CDK5RAP2: variants seen among roughly 807,000 people sequenced by gnomAD.
CDK5RAP2 encodes CDK5 regulatory subunit associated protein 2.
A neutral mutation model predicts 232.9 loss-of-function variants in CDK5RAP2; 147 were observed. The observed-to-expected ratio is 0.63, with a 90% CI of 0.55 to 0.72. The LOEUF is 0.72. Ranked by LOEUF, CDK5RAP2 falls within the 30% of genes least tolerant of loss-of-function variation. CDK5RAP2 has a pLI of 0.00. For missense variants in CDK5RAP2, 2,195 were observed against 2,231.5 expected (o/e 0.98, Z 0.33); for synonymous variants, 833 against 833.7 (o/e 1.00, Z 0.01).
At position 120,504,696 on chromosome 9, in the gene CDK5RAP2, C is replaced by A. The variant is rs182068763; in HGVS notation, c.1312-13219G>T. Among the ~76,000 whole-genome samples the A allele has an allele frequency of 4.6e-5, 7 of 152,340 alleles. No individual in the cohort carries two copies. The East Asian group carries it at 1.3e-3, about 29-fold the overall frequency. ...AGAATGAAGCTACCCTACGAGGAGT[C>A]TACTCAAGGCTCCTACTAGTGGGCT... On this transcript the variant is annotated intron_variant, in intron 12 of 37. Coordinates refer to ENST00000349780, the MANE Select transcript of CDK5RAP2 (RefSeq NM_018249.6).
intron 36 of CDK5RAP2, among the ~76,000 whole-genome samples, chr9:120,393,705 G>T (rs934244243): frequency 3.9e-5 from 6 of 152,244 alleles, no homozygotes; most frequent in Non-Finnish European, 8.8e-5. Flanking sequence ...AGACAGAGCT[G>T]CTCCCAAACA....
At chr9:120,549,171 A>AAAAG (rs1554780650) in intron 4 of CDK5RAP2, among the ~76,000 whole-genome samples, 1 of 150,390 alleles carries the variant, frequency 6.6e-6, no homozygotes, top group Non-Finnish European at 1.5e-5. Flanking sequence ...AAAAAAAAAA[A>AAAAG]AGAGACAGAA....
chr9:120,490,656 AT>A (rs931748739), intron 13 of CDK5RAP2, among the ~76,000 whole-genome samples: 18 of 151,558 alleles, frequency 1.2e-4, no homozygotes, highest in South Asian at 2.1e-4. Context: ...ACTTAGCCAA[AT>A]TTTTTTTTCT....
intron 22 of CDK5RAP2, among the ~76,000 whole-genome samples, chr9:120,445,997 C>T (rs2036166432): frequency 6.6e-6 from 1 of 152,182 alleles, no homozygotes; most frequent in South Asian, 2.1e-4. Flanking sequence ...TGAATGACAA[C>T]TCCATCCTTC....
intron 34 of CDK5RAP2, chr9:120,401,101 C>A (rs968268190): frequency 7.0e-6 from 4 of 571,550 alleles, no homozygotes; most frequent in Non-Finnish European, 9.3e-6. Context: ...CAATCAATAA[C>A]CATGATTAAT....
At position 120,408,481 on chromosome 9, in the gene CDK5RAP2, C is replaced by G; in HGVS notation, c.4605-13G>C. On this transcript the variant is annotated splice_polypyrimidine_tract_variant and intron_variant, in intron 30 of 37. Coordinates refer to ENST00000349780, the MANE Select transcript of CDK5RAP2 (RefSeq NM_018249.6). ...CTCCTCCTGCACCCTGAGAAGGCCC[C>G]ACAGGCATGAGAAGGACAGGTTAAT... 6.2e-7 allele frequency: 1 copy of G among 1,614,074 alleles called. No homozygotes were observed. Among genetic ancestry groups the G allele is most frequent in the Non-Finnish European group, 8.5e-7 (1 of 1,179,988 alleles).
At chr9:120,462,616 C>G (rs1178967133) in intron 18 of CDK5RAP2, among the ~76,000 whole-genome samples, 1 of 152,134 alleles carries the variant, frequency 6.6e-6, no homozygotes, top group African/African-American at 2.4e-5. Flanking sequence ...ATGGATGAAT[C>G]TCAAAAACAT....
intron 11 of CDK5RAP2, among the ~76,000 whole-genome samples, chr9:120,520,943 T>C (rs571026079): frequency 6.6e-6 from 1 of 152,142 alleles, no homozygotes; most frequent in East Asian, 1.9e-4. Flanking sequence ...ATATCATATA[T>C]CTCATATGAG....
rs1031510980 is a variant in CDK5RAP2, at chr9:120,580,104, C to T, written c.-126G>A. ...ACCCCAGCTCTTGTTCAGACTCTGG[C>T]GGCGCCGCTGGAATTCAAACCACAG... is the stretch of plus-strand genomic sequence containing the variant. On this transcript the variant is annotated 5_prime_UTR_variant, in exon 1 of 38. Coordinates refer to ENST00000349780, the MANE Select transcript of CDK5RAP2 (RefSeq NM_018249.6). The T allele has an allele frequency of 2.3e-5, 14 of 600,882 alleles. No individual in the cohort carries two copies. The highest frequency in any genetic ancestry group is 6.2e-5 in the Admixed American group (2 of 32,350). 37.2% of individuals were successfully genotyped at this position (600,882 alleles called of 1,614,324 possible).
chr9:120,472,650 G>C (rs983196587), intron 15 of CDK5RAP2, among the ~76,000 whole-genome samples: 3 of 152,204 alleles, frequency 2.0e-5, no homozygotes, highest in African/African-American at 4.8e-5. Flanking sequence ...CGCATAGTAT[G>C]AGTGGATTTT....
At chr9:120,542,193 T>C (rs2041661156) in intron 5 of CDK5RAP2, among the ~76,000 whole-genome samples, 1 of 152,180 alleles carries the variant, frequency 6.6e-6, no homozygotes, top group African/African-American at 2.4e-5. Flanking sequence ...TGCTGGGTGC[T>C]AGGAAGCTAG....
intron 22 of CDK5RAP2, among the ~76,000 whole-genome samples, chr9:120,446,551 G>T (rs2036203584): frequency 1.3e-5 from 2 of 152,146 alleles, no homozygotes. Flanking sequence ...TAAGGCTTAA[G>T]TCAAATCACG....
chr9:120,569,677 G>A (rs1311177831), intron 2 of CDK5RAP2, among the ~76,000 whole-genome samples: 1 of 152,166 alleles, frequency 6.6e-6, no homozygotes, highest in Non-Finnish European at 1.5e-5. Context: ...ACTGTATACG[G>A]TTTTTAGGCT....
At chr9:120,466,084 T>G (rs2037363530) in intron 18 of CDK5RAP2, among the ~76,000 whole-genome samples, 1 of 152,226 alleles carries the variant, frequency 6.6e-6, no homozygotes, top group African/African-American at 2.4e-5. Flanking sequence ...AAATACTGAA[T>G]TTTAAAAATA....
intron 7 of CDK5RAP2, among the ~76,000 whole-genome samples, chr9:120,535,398 G>A (rs953924171): frequency 2.0e-5 from 3 of 152,216 alleles, no homozygotes; most frequent in East Asian, 1.9e-4. Flanking sequence ...TGAGGAACCC[G>A]GCAGTTAGGC....
At position 120,568,126 on chromosome 9, in the gene CDK5RAP2, A is replaced by G. The variant is rs564864409; in HGVS notation, c.195+195T>C. Among the ~76,000 whole-genome samples, 319 of 152,324 alleles carry G rather than the reference A, an allele frequency of 2.1e-3. 2 individuals carry two copies. The highest frequency in any genetic ancestry group is 7.5e-3 in the African/African-American group (311 of 41,564). The stretch of plus-strand genomic sequence containing the variant: ...AAAACTGCTGATCCCGTCAGAACCT[A>G]TATTTGGCCCTTGTATAAAGGGCTG... On this transcript the variant is annotated intron_variant, in intron 3 of 37. Transcript: ENST00000349780.
At chr9:120,553,530 C>T (rs978443697) in intron 3 of CDK5RAP2, among the ~76,000 whole-genome samples, 5 of 152,080 alleles carry the variant, frequency 3.3e-5, no homozygotes, top group Admixed American at 6.6e-5. Context: ...GACAGAAACA[C>T]AAGCTAGGAA....
chr9:120,462,742 G>A (rs116844759), intron 18 of CDK5RAP2, among the ~76,000 whole-genome samples: 14 of 152,314 alleles, frequency 9.2e-5, no homozygotes, highest in African/African-American at 3.1e-4. Flanking sequence ...GCTGGGGTGG[G>A]ACTGGGTATG....
At chr9:120,490,651 G>C (rs1331781420) in intron 13 of CDK5RAP2, among the ~76,000 whole-genome samples, 1 of 152,106 alleles carries the variant, frequency 6.6e-6, no homozygotes, top group East Asian at 1.9e-4. Flanking sequence ...CATCCACTTA[G>C]CCAAATTTTT....
Sources: gnomAD v4.1 joint callset for allele counts (sites outside exome capture counted in the v4.1 genomes callset) on GRCh38, gnomAD v4.1.1 for gene constraint, MANE v1.5 for transcripts, NCBI Gene and HGNC (gene_info 2026-07-23, HGNC 2026-07-21) for gene names.